ATP2C2: variants seen among roughly 807,000 people sequenced by gnomAD.
The protein encoded by ATP2C2 is calcium-transporting ATPase type 2C member 2.
Under a neutral mutation model 110.8 loss-of-function variants are expected in ATP2C2, and 171 were observed. That is an observed-to-expected ratio of 1.54 (90% CI 1.36 to 1.75). ATP2C2 has a LOEUF of 1.75. Among genes scored for constraint, ATP2C2 ranks in the 40% most tolerant of loss-of-function variants. The pLI is 0.00. For missense variants in ATP2C2, 1,963 were observed against 1,235.0 expected (o/e 1.59, Z -8.84); for synonymous variants, 804 against 508.4 (o/e 1.58, Z -7.82).
At chr16:84,371,032 AG>A (rs1368315694) in intron 1 of ATP2C2, among the ~76,000 whole-genome samples, 1 of 152,196 alleles carries the variant, frequency 6.6e-6, no homozygotes, top group Admixed American at 6.5e-5. Context: ...TACAAAACAA[AG>A]TTCATAAAGG....
At chr16:84,451,831 T>C in intron 17 of ATP2C2, 90 bp from the exon 18 acceptor site, 1 of 1,324,760 alleles carries the variant, frequency 7.5e-7, no homozygotes, top group Non-Finnish European at 1.0e-6. Context: ...AGAACAAAAC[T>C]CTCTTAAAAA....
chr16:84,388,682 C>A (rs2151406221), intron 1 of ATP2C2, among the ~76,000 whole-genome samples: 2 of 152,360 alleles, frequency 1.3e-5, no homozygotes, highest in Middle Eastern at 6.8e-3. Context: ...GTTCTTGTGT[C>A]ATTCTGACTC....
intron 15 of ATP2C2, 65 bp from the exon 16 acceptor site, chr16:84,446,264 A>T (rs1909737619): frequency 1.1e-6 from 1 of 921,442 alleles, no homozygotes; most frequent in South Asian, 2.1e-5. Context: ...ATTTAAATGG[A>T]CTGAGCTTTG....
At chr16:84,441,786 G>C (rs1016293274) in intron 14 of ATP2C2, among the ~76,000 whole-genome samples, 2 of 152,276 alleles carry the variant, frequency 1.3e-5, no homozygotes, top group African/African-American at 4.8e-5. Flanking sequence ...GCTGGGCATG[G>C]TGGCACACAC....
intron 26 of ATP2C2, chr16:84,462,369 G>A (rs1911466184): frequency 6.3e-6 from 3 of 474,562 alleles, no homozygotes; most frequent in African/African-American, 1.9e-5. Flanking sequence ...AGGGTCTGGG[G>A]CCCAAGGGGC....
intron 1 of ATP2C2, among the ~76,000 whole-genome samples, chr16:84,388,897 G>C (rs1597743489): frequency 6.6e-6 from 1 of 152,240 alleles, no homozygotes; most frequent in East Asian, 1.9e-4. Flanking sequence ...TCAGCCTCCT[G>C]AGTAGCTGGG....
In ATP2C2 at chr16:84,453,175, C is replaced by T; in HGVS notation, c.1869C>T (p.Ala623=). The change falls in exon 19 of 27, where the codon GCC becomes GCT. Residue 623 remains alanine (A), a synonymous_variant. Transcript: ENST00000262429. ...NIGLCNGKLQ[A]MSGEEVDSVE... ...GCCTGTGCAACGGGAAGCTGCAAGC[C>T]ATGTCCGGGGAGGAGGTGGACAGCG... The T allele has an allele frequency of 2.5e-6, 4 of 1,613,846 alleles. No homozygotes were observed. Among genetic ancestry groups the T allele is most frequent in the South Asian group, 2.2e-5 (2 of 91,060 alleles).
intron 11 of ATP2C2, among the ~76,000 whole-genome samples, chr16:84,435,460 C>G (rs534913299): frequency 6.6e-6 from 1 of 152,314 alleles, no homozygotes; most frequent in African/African-American, 2.4e-5. Context: ...CATTGTTATA[C>G]CCCCTTCTTC....
chr16:84,459,433 G>A (rs369695980), intron 23 of ATP2C2, 47 bp downstream of exon 23: 21 of 1,604,684 alleles, frequency 1.3e-5, no homozygotes, highest in Non-Finnish European at 1.5e-5. Context: ...ACCCACCTGC[G>A]GGGCTTCCTC....
At chr16:84,416,658 G>T (rs965464721) in intron 7 of ATP2C2, among the ~76,000 whole-genome samples, 1 of 152,198 alleles carries the variant, frequency 6.6e-6, no homozygotes, top group Non-Finnish European at 1.5e-5. Flanking sequence ...GCAGGGCAGG[G>T]ATAAGGGTGG....
chr16:84,403,023 G>A (rs1039180221), intron 2 of ATP2C2, among the ~76,000 whole-genome samples: 1 of 152,112 alleles, frequency 6.6e-6, no homozygotes, highest in Non-Finnish European at 1.5e-5. Flanking sequence ...GGTTCTGTGT[G>A]TCTAGGAATT....
chr16:84,428,000 G>A (rs757637253), intron 11 of ATP2C2, among the ~76,000 whole-genome samples: 2 of 152,200 alleles, frequency 1.3e-5, no homozygotes, highest in Non-Finnish European at 2.9e-5. Flanking sequence ...TAAGAATGCT[G>A]TTATTGAGAG....
rs573930241 is a variant in ATP2C2, at chr16:84,431,852, C to T, written c.986+6051C>T. Among the ~76,000 whole-genome samples, 26 of 152,114 alleles carry T rather than the reference C, an allele frequency of 1.7e-4. No homozygotes were observed. The South Asian group carries it at 5.0e-3, about 29-fold the overall frequency. ...TGTTGGCCACCCTTGATTTAGAGGCCGAAGGAAGTGGGAGGTGGGAGCCCC... is the reference window on the plus strand; with the variant it reads ...TGTTGGCCACCCTTGATTTAGAGGCTGAAGGAAGTGGGAGGTGGGAGCCCC... On this transcript the variant is annotated intron_variant, in intron 11 of 26. Coordinates refer to ENST00000262429, the MANE Select transcript of ATP2C2 (RefSeq NM_014861.4).
chr16:84,425,954 T>G, intron 11 of ATP2C2, 153 bp downstream of exon 11: 1 of 821,142 alleles, frequency 1.2e-6, no homozygotes, highest in Non-Finnish European at 2.0e-6. Context: ...AATAGCATGT[T>G]CTCCGACAGG....
At chr16:84,399,309 T>A (rs1905180420) in intron 2 of ATP2C2, among the ~76,000 whole-genome samples, 1 of 152,226 alleles carries the variant, frequency 6.6e-6, no homozygotes, top group South Asian at 2.1e-4. Context: ...TCCTGTGTAT[T>A]AGTATTTGGA....
At chr16:84,409,268 G>A (rs999964539) in intron 4 of ATP2C2, among the ~76,000 whole-genome samples, 5 of 152,178 alleles carry the variant, frequency 3.3e-5, no homozygotes, top group African/African-American at 1.2e-4. Context: ...ATGGACACAG[G>A]GTGGGGAACA....
chr16:84,453,099 G>A lies in ATP2C2; in HGVS notation c.1832-39G>A, dbSNP rs553054759. ...GGCCGGGAGTGAGGGGTGGGGACGC[G>A]GGCCTCAGAGCAGGCCCTCAGAACA... On this transcript the variant is annotated intron_variant, in intron 18 of 26. Transcript: ENST00000262429. 3.4e-5 allele frequency: 53 copies of A among 1,566,892 alleles called. No individual in the cohort carries two copies. In the South Asian group the frequency reaches 3.6e-4, roughly 11 times the overall value.
intron 15 of ATP2C2, 134 bp downstream of exon 15, chr16:84,442,733 G>T: frequency 2.4e-6 from 2 of 822,372 alleles, no homozygotes; most frequent in Non-Finnish European, 2.0e-6. Flanking sequence ...GCCCACACTG[G>T]CCTTGGGCCA....
chr16:84,419,034 C>T (rs977685803), intron 7 of ATP2C2, among the ~76,000 whole-genome samples: 7 of 151,766 alleles, frequency 4.6e-5, no homozygotes, highest in African/African-American at 1.7e-4. Context: ...CATGGCAAAA[C>T]CCTGTCTCTA....
Sources: allele counts gnomAD v4.1 joint callset (sites outside exome capture counted in the v4.1 genomes callset), GRCh38; gene constraint gnomAD v4.1.1; transcripts MANE v1.5; gene names NCBI Gene and HGNC (gene_info 2026-07-23, HGNC 2026-07-21).